The following CDH18 variants were observed in gnomAD, a reference collection of about 807,000 sequenced individuals.
The protein encoded by CDH18 is cadherin-18.
A neutral mutation model predicts 67.9 loss-of-function variants in CDH18; 31 were observed. The ratio of observed to expected loss-of-function variants is 0.46; its 90% CI spans 0.34 to 0.62. The LOEUF is 0.62. Ranked by LOEUF, CDH18 falls within the 20% of genes least tolerant of loss-of-function variation. CDH18 has a pLI of 0.01. For missense variants in CDH18, 890 were observed against 975.5 expected, an observed-to-expected ratio of 0.91 and a Z score of 1.17; for synonymous variants, 362 against 347.2, an observed-to-expected ratio of 1.04 and a Z score of -0.48.
intron 2 of CDH18, among the ~76,000 whole-genome samples, chr5:19,961,142 G>A (rs1017770196): frequency 3.7e-5 from 5 of 135,718 alleles, no homozygotes; most frequent in African/African-American, 1.1e-4. Context: ...TCATTCTGTC[G>A]CCCAGGCTGG....
In CDH18 at chr5:20,313,176, T is replaced by G. The variant is rs559927021; in HGVS notation, c.-579-57671A>C. Among the ~76,000 whole-genome samples, 7 of 152,244 alleles carry G rather than the reference T, an allele frequency of 4.6e-5. No homozygotes were observed. In the East Asian group the frequency reaches 1.4e-3, roughly 29 times the overall value. On this transcript the variant is annotated intron_variant, in intron 1 of 14. Coordinates refer to the CDH18 transcript ENST00000507958. Reference sequence around the variant, plus strand: ...TAAGTCATGGTTATTAGTTATGCAGTCAATAGATTTTTCAGGTATCAGAGT... The same window carrying G: ...TAAGTCATGGTTATTAGTTATGCAGGCAATAGATTTTTCAGGTATCAGAGT...
At chr5:19,520,075 A>G (rs538988745) in intron 10 of CDH18, among the ~76,000 whole-genome samples, 1 of 152,252 alleles carries the variant, frequency 6.6e-6, no homozygotes, top group East Asian at 1.9e-4. Flanking sequence ...TCAGTCTCCT[A>G]CTTGCTCTAT....
At chr5:19,722,724 G>A (rs1412323385) in intron 4 of CDH18, among the ~76,000 whole-genome samples, 1 of 151,580 alleles carries the variant, frequency 6.6e-6, no homozygotes, top group Non-Finnish European at 1.5e-5. Context: ...ATCTAATGGT[G>A]CATACTTGAT....
At chr5:20,109,474 C>CGGCA (rs888443459) in intron 2 of CDH18, among the ~76,000 whole-genome samples, 1 of 152,134 alleles carries the variant, frequency 6.6e-6, no homozygotes, top group African/African-American at 2.4e-5. Context: ...CAGACTTATA[C>CGGCA]GGCAACACTC....
At chr5:19,588,134 G>A in intron 7 of CDH18, among the ~76,000 whole-genome samples, 1 of 151,948 alleles carries the variant, frequency 6.6e-6, no homozygotes, top group East Asian at 1.9e-4. Flanking sequence ...GCATATTGAT[G>A]TTGTATCCTG....
chr5:19,491,687 C>T (rs931616117), intron 11 of CDH18, among the ~76,000 whole-genome samples: 11 of 151,980 alleles, frequency 7.2e-5, no homozygotes, highest in African/African-American at 2.2e-4. Context: ...CTTCTTTCGC[C>T]AACCCCAAAT....
chr5:19,885,130 T>A (rs1788062443), intron 2 of CDH18, among the ~76,000 whole-genome samples: 1 of 152,140 alleles, frequency 6.6e-6, no homozygotes, highest in African/African-American at 2.4e-5. Context: ...GATAACTTTG[T>A]GGTTAAGGGA....
chr5:20,007,794 G>T (rs747177445), intron 2 of CDH18, among the ~76,000 whole-genome samples: 1 of 151,152 alleles, frequency 6.6e-6, no homozygotes. Context: ...AAATGGTTAA[G>T]AAAAATCAAA....
chr5:20,277,850 G>A (rs1277485477), intron 1 of CDH18, among the ~76,000 whole-genome samples: 2 of 152,116 alleles, frequency 1.3e-5, no homozygotes, highest in East Asian at 3.9e-4. Flanking sequence ...CAGAAATTCT[G>A]GAGTTGAAAA....
chr5:19,907,125 A>G (rs1439225167), intron 2 of CDH18, among the ~76,000 whole-genome samples: 1 of 152,038 alleles, frequency 6.6e-6, no homozygotes, highest in Non-Finnish European at 1.5e-5. Flanking sequence ...GGCAACCATT[A>G]TATGATTAGG....
intron 1 of CDH18, among the ~76,000 whole-genome samples, chr5:20,484,891 C>G (rs937389411): frequency 1.3e-5 from 2 of 151,812 alleles, no homozygotes; most frequent in Admixed American, 1.3e-4. Context: ...GGGGTGACTA[C>G]AGTCAATGAT....
chr5:20,206,121 C>A (rs1340438659), intron 2 of CDH18, among the ~76,000 whole-genome samples: 1 of 151,218 alleles, frequency 6.6e-6, no homozygotes, highest in Non-Finnish European at 1.5e-5. Context: ...AAAAGAAGAC[C>A]CAAATAAATA....
At chr5:20,103,812 G>GAA (rs11446807) in intron 2 of CDH18, among the ~76,000 whole-genome samples, 52,694 of 147,630 alleles carry the variant, frequency 0.36, 11,487 homozygotes, top group Middle Eastern at 0.61. Context: ...GAAACCAAAA[G>GAA]AAAAAAAAAA....
intron 5 of CDH18, among the ~76,000 whole-genome samples, chr5:19,689,900 T>C (rs1005090307): frequency 6.6e-6 from 1 of 151,602 alleles, no homozygotes; most frequent in Non-Finnish European, 1.5e-5. Context: ...ACATATAGAC[T>C]GAAAGTAAAG....
At chr5:20,441,660 C>A (rs1297835984) in intron 1 of CDH18, among the ~76,000 whole-genome samples, 1 of 151,882 alleles carries the variant, frequency 6.6e-6, no homozygotes, top group Non-Finnish European at 1.5e-5. Flanking sequence ...ATTCCTTCCT[C>A]AGTTGAGTTA....
intron 1 of CDH18, among the ~76,000 whole-genome samples, chr5:20,505,395 G>A (rs976916088): frequency 1.3e-5 from 2 of 152,074 alleles, no homozygotes; most frequent in African/African-American, 4.8e-5. Flanking sequence ...TATATTTAAA[G>A]GTGATAAAGC....
chr5:20,080,407 C>A (rs1010385774), intron 2 of CDH18, among the ~76,000 whole-genome samples: 1 of 151,938 alleles, frequency 6.6e-6, no homozygotes, highest in Non-Finnish European at 1.5e-5. Context: ...ATACTAATAG[C>A]CTTGGATGAT....
intron 2 of CDH18, among the ~76,000 whole-genome samples, chr5:19,933,072 T>C (rs1793881498): frequency 6.6e-6 from 1 of 151,518 alleles, no homozygotes; most frequent in East Asian, 1.9e-4. Flanking sequence ...CTTTATTCAA[T>C]ATCCTTCTCT....
intron 4 of CDH18, among the ~76,000 whole-genome samples, chr5:19,729,305 T>C (rs982103806): frequency 2.6e-5 from 4 of 152,218 alleles, no homozygotes; most frequent in African/African-American, 9.6e-5. Context: ...TTAACAATAA[T>C]CTATTGAGAA....
Sources: allele counts gnomAD v4.1 joint callset (sites outside exome capture counted in the v4.1 genomes callset), GRCh38; gene constraint gnomAD v4.1.1; transcripts MANE v1.5; gene names NCBI Gene and HGNC (gene_info 2026-07-23, HGNC 2026-07-21).